The following CNTNAP5 variants were observed in gnomAD, a reference collection of about 807,000 sequenced individuals.
CNTNAP5 encodes contactin associated protein family member 5, also known as contactin-associated protein-like 5.
Under a neutral mutation model 150.2 loss-of-function variants are expected in CNTNAP5, and 72 were observed. The ratio of observed to expected loss-of-function variants is 0.48; its 90% CI spans 0.40 to 0.58. The LOEUF (loss-of-function observed/expected upper bound fraction) is 0.58, where lower values mean the gene tolerates loss of function less well. Ranked by LOEUF, CNTNAP5 falls within the 20% of genes least tolerant of loss-of-function variation. The pLI is 0.00. For synonymous variants in CNTNAP5, 672 were observed against 619.8 expected (o/e 1.08, Z -1.25); for missense variants, 1,636 against 1,626.2 (o/e 1.01, Z -0.10).
At chr2:124,709,032 T>A (rs1468945464) in intron 13 of CNTNAP5, among the ~76,000 whole-genome samples, 1 of 152,162 alleles carries the variant, frequency 6.6e-6, no homozygotes, top group African/African-American at 2.4e-5. Flanking sequence ...GAGCAGAGCC[T>A]CTCTGGGCAA....
At chr2:124,482,756 GTC>G (rs1693788638) in intron 7 of CNTNAP5, among the ~76,000 whole-genome samples, 1 of 152,160 alleles carries the variant, frequency 6.6e-6, no homozygotes, top group South Asian at 2.1e-4. Flanking sequence ...AGCGGCTCCT[GTC>G]TCTGCATCTG....
chr2:124,142,639 A>C (rs368553917), intron 1 of CNTNAP5, among the ~76,000 whole-genome samples: 1 of 135,044 alleles, frequency 7.4e-6, no homozygotes, highest in African/African-American at 2.9e-5. Flanking sequence ...CATTCAAAGC[A>C]GTGTGTAGAG....
intron 10 of CNTNAP5, among the ~76,000 whole-genome samples, chr2:124,557,784 G>A (rs1695794761): frequency 6.6e-6 from 1 of 152,180 alleles, no homozygotes; most frequent in South Asian, 2.1e-4. Flanking sequence ...TTGAGAAGGT[G>A]ACACTTGAGC....
At chr2:124,257,718 C>A (rs909245844) in intron 3 of CNTNAP5, among the ~76,000 whole-genome samples, 5 of 151,834 alleles carry the variant, frequency 3.3e-5, no homozygotes, top group African/African-American at 1.2e-4. Context: ...GGTTATAATC[C>A]ACCCCCCTCC....
At position 124,568,071 on chromosome 2, in the gene CNTNAP5, C is replaced by T. The variant is rs568350342; in HGVS notation, c.1756+4748C>T. 2.6e-5 allele frequency among the ~76,000 whole-genome samples: 4 copies of T among 152,276 alleles called. No individual in the cohort carries two copies. The South Asian group carries it at 8.3e-4, about 32-fold the overall frequency. On this transcript the variant is annotated intron_variant, in intron 11 of 23. Transcript: ENST00000682447. ...TGCGTGTTGATGCCAGATGCTAAATCCTGCATCTTATTTCTTCCTTCAAAC... is the reference window on the plus strand; with the variant it reads ...TGCGTGTTGATGCCAGATGCTAAATTCTGCATCTTATTTCTTCCTTCAAAC...
chr2:124,194,487 T>C (rs977540500), intron 1 of CNTNAP5, among the ~76,000 whole-genome samples: 2 of 149,072 alleles, frequency 1.3e-5, no homozygotes, highest in Admixed American at 1.4e-4. Context: ...TGTGGTAAAC[T>C]GACAAACATG....
At chr2:124,660,671 T>G (rs1678568955) in intron 13 of CNTNAP5, among the ~76,000 whole-genome samples, 1 of 152,142 alleles carries the variant, frequency 6.6e-6, no homozygotes, top group Non-Finnish European at 1.5e-5. Context: ...CACATTTTAA[T>G]TCACAGCCTG....
At chr2:124,775,736 T>G (rs1330119584) in intron 17 of CNTNAP5, among the ~76,000 whole-genome samples, 2 of 152,170 alleles carry the variant, frequency 1.3e-5, no homozygotes, top group African/African-American at 4.8e-5. Flanking sequence ...AACCATGTCA[T>G]TTCACCAGTC....
chr2:124,871,669 T>G (rs1677751449), intron 21 of CNTNAP5, among the ~76,000 whole-genome samples: 1 of 152,162 alleles, frequency 6.6e-6, no homozygotes, highest in Non-Finnish European at 1.5e-5. Context: ...TGTCCATCTG[T>G]CCTGCTATTG....
chr2:124,899,981 G>A (rs1370744538), intron 21 of CNTNAP5, among the ~76,000 whole-genome samples: 2 of 150,932 alleles, frequency 1.3e-5, no homozygotes, highest in African/African-American at 2.5e-5. Context: ...GAGATATTTT[G>A]GAGGGTTTTT....
chr2:124,470,999 T>C (rs1447600689), intron 6 of CNTNAP5, among the ~76,000 whole-genome samples: 1 of 152,140 alleles, frequency 6.6e-6, no homozygotes, highest in African/African-American at 2.4e-5. Context: ...TGAAGAAGGG[T>C]AGCATGATGC....
At chr2:124,152,033 C>G (rs1010612673) in intron 1 of CNTNAP5, among the ~76,000 whole-genome samples, 5 of 152,122 alleles carry the variant, frequency 3.3e-5, no homozygotes, top group African/African-American at 4.8e-5. Context: ...CATATGGTGA[C>G]TCATTAAATT....
chr2:124,336,896 G>T (rs1192446860), intron 3 of CNTNAP5, among the ~76,000 whole-genome samples: 1 of 152,090 alleles, frequency 6.6e-6, no homozygotes, highest in Admixed American at 6.5e-5. Context: ...ACCCAGTAAT[G>T]GGATGGCTGG....
chr2:124,133,648 A>G (rs567330044), intron 1 of CNTNAP5, among the ~76,000 whole-genome samples: 2 of 152,126 alleles, frequency 1.3e-5, no homozygotes, highest in African/African-American at 4.8e-5. Flanking sequence ...TCCAGCACTG[A>G]CTTTCTGTGG....
chr2:124,434,765 C>T lies in CNTNAP5; in HGVS notation c.733+78C>T. 3.9e-6 allele frequency: 5 copies of T among 1,277,356 alleles called. No individual in the cohort carries two copies. In the South Asian group the frequency reaches 4.0e-5, roughly 10 times the overall value. The allele number at this position is 1,277,356 out of a possible 1,614,324, so 79.1% of individuals were successfully genotyped here. A position where few individuals can be genotyped will look rare whatever the true frequency, so the allele number is the denominator to read the frequency against. On this transcript the variant is annotated intron_variant, in intron 5 of 23. Coordinates refer to ENST00000682447, the MANE Select transcript of CNTNAP5 (RefSeq NM_001367498.1). ...CACAGCTCACAGTGTCTGACACTTGCAGTGTATCTGGTGGAAGTCACTGGA... is the reference window on the plus strand; with the variant it reads ...CACAGCTCACAGTGTCTGACACTTGTAGTGTATCTGGTGGAAGTCACTGGA...
chr2:124,812,717 A>G (rs1682263787), intron 19 of CNTNAP5, among the ~76,000 whole-genome samples: 1 of 152,114 alleles, frequency 6.6e-6, no homozygotes, highest in Non-Finnish European at 1.5e-5. Context: ...TGGAAGCCCC[A>G]TCTTTGAGTT....
intron 4 of CNTNAP5, among the ~76,000 whole-genome samples, chr2:124,423,915 C>T (rs1002098146): frequency 2.0e-5 from 3 of 151,772 alleles, no homozygotes; most frequent in Admixed American, 1.3e-4. Flanking sequence ...CCGCCCGCCT[C>T]GGCCTCCCAA....
chr2:124,523,604 C>T (rs765288771), intron 8 of CNTNAP5, among the ~76,000 whole-genome samples: 1 of 152,188 alleles, frequency 6.6e-6, no homozygotes, highest in Admixed American at 6.5e-5. Context: ...AAAGCACCCA[C>T]CTTTCTCCCA....
chr2:124,124,873 T>C (rs1400580444), intron 1 of CNTNAP5, among the ~76,000 whole-genome samples: 2 of 152,208 alleles, frequency 1.3e-5, no homozygotes, highest in Admixed American at 6.5e-5. Flanking sequence ...TGAGAGATTA[T>C]GTCACCACCA....
Sources: allele counts gnomAD v4.1 joint callset (sites outside exome capture counted in the v4.1 genomes callset), GRCh38; gene constraint gnomAD v4.1.1; transcripts MANE v1.5; gene names NCBI Gene and HGNC (gene_info 2026-07-23, HGNC 2026-07-21).